FRAS1: variants seen among roughly 807,000 people sequenced by gnomAD.
FRAS1 encodes the protein extracellular matrix organizing protein FRAS1.
A neutral mutation model predicts 435.2 loss-of-function variants in FRAS1; 290 were observed. The observed-to-expected ratio is 0.67, with a 90% confidence interval of 0.61 to 0.73. FRAS1 has a LOEUF of 0.73. Among genes scored for constraint, FRAS1 ranks in the 30% least tolerant of loss-of-function variants. The probability of loss-of-function intolerance (pLI) is 0.00; values close to 1 mark genes in which losing one functional copy is unlikely to be tolerated. For synonymous variants in FRAS1, 1,800 were observed against 1,851.0 expected (o/e 0.97, Z 0.71); for missense variants, 4,860 against 5,001.5 (o/e 0.97, Z 0.85).
intron 18 of FRAS1, chr4:78,319,472 G>A (rs932384316): frequency 1.5e-5 from 7 of 456,396 alleles, no homozygotes; most frequent in Non-Finnish European, 3.1e-5. Context: ...TCAATAGCCA[G>A]GCCATCTATG....
intron 64 of FRAS1, 101 bp from the exon 65 acceptor site, chr4:78,513,291 A>G (rs1167590572): frequency 8.5e-7 from 1 of 1,173,998 alleles, no homozygotes; most frequent in Admixed American, 2.1e-5. Flanking sequence ...AAAAAATGGT[A>G]GCTCATTGGT....
chr4:78,273,862 T>G (rs1313464575), intron 9 of FRAS1, among the ~76,000 whole-genome samples: 1 of 152,238 alleles, frequency 6.6e-6, no homozygotes, highest in African/African-American at 2.4e-5. Context: ...TCTTTTTCTA[T>G]TGAATGGAAT....
intron 50 of FRAS1, among the ~76,000 whole-genome samples, chr4:78,467,717 A>G (rs1158142056): frequency 9.9e-5 from 15 of 152,226 alleles, no homozygotes; most frequent in Non-Finnish European, 7.4e-5. Flanking sequence ...CCTTTTCTCC[A>G]CATTCTCATT....
At chr4:78,195,286 C>T (rs1722752296) in intron 2 of FRAS1, among the ~76,000 whole-genome samples, 1 of 152,244 alleles carries the variant, frequency 6.6e-6, no homozygotes, top group Admixed American at 6.5e-5. Context: ...AGAACCACTG[C>T]TCTCCTCAAA....
chr4:78,131,166 A>G (rs925539105), intron 2 of FRAS1, among the ~76,000 whole-genome samples: 10 of 152,210 alleles, frequency 6.6e-5, no homozygotes, highest in Non-Finnish European at 1.5e-4. Flanking sequence ...TCTTCTCAGC[A>G]TTAAAATTCT....
intron 61 of FRAS1, among the ~76,000 whole-genome samples, chr4:78,503,586 T>C (rs2109877606): frequency 6.6e-6 from 1 of 152,350 alleles, no homozygotes; most frequent in African/African-American, 2.4e-5. Flanking sequence ...TTATTGCATC[T>C]ATTTGATTCT....
At chr4:78,536,734 C>G (rs17471069) in intron 71 of FRAS1, among the ~76,000 whole-genome samples, 22,964 of 152,042 alleles carry the variant, frequency 0.15, 1,976 homozygotes, top group Non-Finnish European at 0.21. Context: ...CTTTGCTTCC[C>G]TTAAATGCTT....
At chr4:78,335,792 T>C (rs1730146466) in intron 19 of FRAS1, among the ~76,000 whole-genome samples, 1 of 152,188 alleles carries the variant, frequency 6.6e-6, no homozygotes, top group Non-Finnish European at 1.5e-5. Context: ...ATCACCTTTA[T>C]GTTTTAGTGA....
At chr4:78,099,950 G>A (rs1742034752) in intron 2 of FRAS1, among the ~76,000 whole-genome samples, 1 of 152,182 alleles carries the variant, frequency 6.6e-6, no homozygotes, top group Non-Finnish European at 1.5e-5. Context: ...GAGGCCACAG[G>A]GGAAAGAGGC....
chr4:78,272,970 G>C (rs1285181034), intron 9 of FRAS1, among the ~76,000 whole-genome samples: 1 of 152,098 alleles, frequency 6.6e-6, no homozygotes, highest in East Asian at 1.9e-4. Flanking sequence ...CCATTTGTTT[G>C]TGTCCTCTTT....
At chr4:78,326,131 G>T (rs867588258) in intron 18 of FRAS1, among the ~76,000 whole-genome samples, 4 of 116,784 alleles carry the variant, frequency 3.4e-5, no homozygotes, top group African/African-American at 1.5e-4. Context: ...GAAAAAATTT[G>T]GTCAATTCAC....
intron 2 of FRAS1, among the ~76,000 whole-genome samples, chr4:78,122,561 C>T (rs1719091183): frequency 6.6e-6 from 1 of 151,978 alleles, no homozygotes; most frequent in Admixed American, 6.6e-5. Flanking sequence ...CATTGTCTTC[C>T]ACAATGGTTG....
intron 2 of FRAS1, chr4:78,072,037 T>C (rs1016508579): frequency 6.8e-6 from 1 of 147,440 alleles, no homozygotes; most frequent in African/African-American, 2.6e-5. Context: ...TTTGTTGTCG[T>C]GGTTTTTTTT....
intron 58 of FRAS1, among the ~76,000 whole-genome samples, chr4:78,484,112 C>T (rs1016613001): frequency 6.6e-6 from 1 of 151,914 alleles, no homozygotes; most frequent in Non-Finnish European, 1.5e-5. Flanking sequence ...TAAAGTTGTG[C>T]CTTTTCCAAA....
chr4:78,364,896 TAG>T (rs1731203514), intron 22 of FRAS1, among the ~76,000 whole-genome samples: 1 of 152,222 alleles, frequency 6.6e-6, no homozygotes, highest in African/African-American at 2.4e-5. Flanking sequence ...GAGTGGGCTC[TAG>T]AGTCAGAGAA....
At chr4:78,268,373 A>G (rs1726480475) in intron 9 of FRAS1, among the ~76,000 whole-genome samples, 1 of 152,172 alleles carries the variant, frequency 6.6e-6, no homozygotes, top group African/African-American at 2.4e-5. Context: ...GAGTTGAGAC[A>G]TATTTAGGTA....
intron 4 of FRAS1, among the ~76,000 whole-genome samples, chr4:78,245,746 G>C (rs1225675168): frequency 2.0e-5 from 3 of 152,068 alleles, no homozygotes; most frequent in Non-Finnish European, 4.4e-5. Flanking sequence ...ACTAATAAAT[G>C]GTATAACCTG....
intron 20 of FRAS1, among the ~76,000 whole-genome samples, chr4:78,355,200 A>G (rs1330571531): frequency 6.6e-6 from 1 of 152,112 alleles, no homozygotes; most frequent in African/African-American, 2.4e-5. Flanking sequence ...TTTTCGGGCT[A>G]CCTTGTAATG....
intron 41 of FRAS1, among the ~76,000 whole-genome samples, chr4:78,443,607 A>G (rs1334732002): frequency 1.3e-5 from 2 of 152,234 alleles, no homozygotes; most frequent in Non-Finnish European, 2.9e-5. Context: ...GATGTTCACA[A>G]TGATCGCCTG....
Sources: gnomAD v4.1 joint callset for allele counts (sites outside exome capture counted in the v4.1 genomes callset) on GRCh38, gnomAD v4.1.1 for gene constraint, MANE v1.5 for transcripts, NCBI Gene and HGNC (gene_info 2026-07-23, HGNC 2026-07-21) for gene names.